DYNC1I1: variants seen among roughly 807,000 people sequenced by gnomAD.
DYNC1I1 encodes cytoplasmic dynein 1 intermediate chain 1.
A neutral mutation model predicts 86.6 loss-of-function variants in DYNC1I1; 43 were observed. The observed-to-expected ratio is 0.50, with a 90% CI of 0.39 to 0.64. The LOEUF is 0.64. Ranked by LOEUF, DYNC1I1 falls within the 30% of genes least tolerant of loss-of-function variation. DYNC1I1 has a pLI of 0.00. For synonymous variants in DYNC1I1, 262 were observed against 283.7 expected (o/e 0.92, Z 0.77); for missense variants, 604 against 788.8 (o/e 0.77, Z 2.81).
chr7:95,977,089 A>T (rs1024686437), intron 6 of DYNC1I1, among the ~76,000 whole-genome samples: 3 of 152,196 alleles, frequency 2.0e-5, no homozygotes, highest in Admixed American at 6.5e-5. Flanking sequence ...GTCAAAAACA[A>T]ATTAATTTGG....
At chr7:95,934,699 T>C (rs899357238) in intron 6 of DYNC1I1, among the ~76,000 whole-genome samples, 7 of 152,080 alleles carry the variant, frequency 4.6e-5, no homozygotes, top group African/African-American at 1.7e-4. Context: ...ATTATCCACC[T>C]GGTGGATTTT....
chr7:95,831,145 T>TTAA (rs1302951691), intron 5 of DYNC1I1, among the ~76,000 whole-genome samples: 1 of 152,186 alleles, frequency 6.6e-6, no homozygotes, highest in Non-Finnish European at 1.5e-5. Flanking sequence ...ATATAATTTA[T>TTAA]TAATATTTTC....
chr7:95,852,226 A>C (rs1329755792), intron 5 of DYNC1I1, among the ~76,000 whole-genome samples: 1 of 151,842 alleles, frequency 6.6e-6, no homozygotes, highest in Non-Finnish European at 1.5e-5. Flanking sequence ...CTTCGTAATT[A>C]ATTTTTTGAT....
At chr7:95,993,845 A>G (rs553864913) in intron 9 of DYNC1I1, among the ~76,000 whole-genome samples, 4 of 152,298 alleles carry the variant, frequency 2.6e-5, no homozygotes, top group Admixed American at 2.6e-4. Flanking sequence ...AATAATGAAA[A>G]AGGAGGAAAA....
chr7:96,082,281 T>TAA (rs34464231), intron 16 of DYNC1I1, among the ~76,000 whole-genome samples: 1 of 148,548 alleles, frequency 6.7e-6, no homozygotes, highest in East Asian at 2.0e-4. Flanking sequence ...AGGAGAATGT[T>TAA]AAAAAAAAAA....
intron 14 of DYNC1I1, among the ~76,000 whole-genome samples, chr7:96,073,259 A>G (rs1790221376): frequency 6.6e-6 from 1 of 152,178 alleles, no homozygotes; most frequent in South Asian, 2.1e-4. Flanking sequence ...GAAGGGTGAT[A>G]AGGAGGTTGG....
At chr7:96,036,509 T>C (rs907771387) in intron 13 of DYNC1I1, among the ~76,000 whole-genome samples, 1 of 152,238 alleles carries the variant, frequency 6.6e-6, no homozygotes, top group African/African-American at 2.4e-5. Context: ...ATTTTCCTTA[T>C]GCTTCTATAA....
At chr7:95,982,156 A>G (rs1339580473) in intron 7 of DYNC1I1, among the ~76,000 whole-genome samples, 3 of 152,160 alleles carry the variant, frequency 2.0e-5, no homozygotes. Context: ...TATTTAATCA[A>G]AAATTACTAT....
intron 1 of DYNC1I1, among the ~76,000 whole-genome samples, chr7:95,802,286 C>T (rs1794596285): frequency 6.6e-6 from 1 of 152,116 alleles, no homozygotes; most frequent in African/African-American, 2.4e-5. Flanking sequence ...CTGGACCTTC[C>T]TTTTTTGCTT....
chr7:95,968,587 T>C (rs1241292547), intron 6 of DYNC1I1, among the ~76,000 whole-genome samples: 1 of 152,204 alleles, frequency 6.6e-6, no homozygotes, highest in Non-Finnish European at 1.5e-5. Context: ...TTAAATATCA[T>C]GACATCTCTA....
At chr7:95,837,783 C>G (rs1274076119) in intron 5 of DYNC1I1, 1 of 153,680 alleles carries the variant, frequency 6.5e-6, no homozygotes. Flanking sequence ...ACTCCCTGAC[C>G]CCTTGTGCTT....
At chr7:96,102,512 C>T (rs1003736292), downstream of DYNC1I1, among the ~76,000 whole-genome samples, 1 of 152,174 alleles carries the variant, frequency 6.6e-6, no homozygotes, top group African/African-American at 2.4e-5. Flanking sequence ...GAGCCCCCAC[C>T]ACAAAGAAGG....
intron 9 of DYNC1I1, among the ~76,000 whole-genome samples, chr7:95,991,294 C>T (rs1793723971): frequency 6.6e-6 from 1 of 152,142 alleles, no homozygotes; most frequent in Admixed American, 6.5e-5. Context: ...AGCCTGCCTC[C>T]TAGCCACATA....
chr7:96,039,111 A>G (rs531587558), intron 13 of DYNC1I1, among the ~76,000 whole-genome samples, 166 bp from the exon 14 acceptor site: 7 of 152,350 alleles, frequency 4.6e-5, no homozygotes, highest in Admixed American at 3.9e-4. Flanking sequence ...ATATTTGCAA[A>G]CAATTTCTTT....
chr7:96,025,840 C>CT (rs796229718), intron 10 of DYNC1I1, among the ~76,000 whole-genome samples: 1 of 150,014 alleles, frequency 6.7e-6, no homozygotes, highest in Non-Finnish European at 1.5e-5. Flanking sequence ...TACAAGCTTG[C>CT]GGGGGGGGGA....
intron 5 of DYNC1I1, among the ~76,000 whole-genome samples, chr7:95,862,914 A>G (rs1789925182): frequency 1.3e-5 from 2 of 152,194 alleles, no homozygotes. Flanking sequence ...TATAATACCT[A>G]ATACAATGTA....
chr7:95,939,759 A>G (rs1792150818), intron 6 of DYNC1I1, among the ~76,000 whole-genome samples: 2 of 152,028 alleles, frequency 1.3e-5, no homozygotes, highest in African/African-American at 2.4e-5. Flanking sequence ...CCAATTTGCC[A>G]GTCTGTTTCT....
At chr7:95,951,610 A>G (rs562644675) in intron 6 of DYNC1I1, among the ~76,000 whole-genome samples, 1 of 152,330 alleles carries the variant, frequency 6.6e-6, no homozygotes, top group Non-Finnish European at 1.5e-5. Context: ...CTATGGCACT[A>G]TCTGAAACTT....
At chr7:95,912,748 A>C (rs933680593) in intron 6 of DYNC1I1, among the ~76,000 whole-genome samples, 4 of 152,270 alleles carry the variant, frequency 2.6e-5, no homozygotes, top group African/African-American at 9.6e-5. Context: ...TCTCATTAGC[A>C]CCAGCCCTGG....
Sources: allele counts gnomAD v4.1 joint callset (sites outside exome capture counted in the v4.1 genomes callset), GRCh38; gene constraint gnomAD v4.1.1; transcripts MANE v1.5; gene names NCBI Gene and HGNC (gene_info 2026-07-23, HGNC 2026-07-21).